The following TAFA5 variants were observed in gnomAD, a reference collection of about 807,000 sequenced individuals.
The protein encoded by TAFA5 is chemokine-like protein TAFA-5.
A neutral mutation model predicts 15.3 loss-of-function variants in TAFA5; 6 were observed. The ratio of observed to expected loss-of-function variants is 0.39; its 90% CI spans 0.21 to 0.77. TAFA5 has a LOEUF of 0.77. Ranked by LOEUF, TAFA5 falls within the 30% of genes least tolerant of loss-of-function variation. TAFA5 has a pLI of 0.41. For synonymous variants in TAFA5, 103 were observed against 80.7 expected (o/e 1.28, Z -1.48); for missense variants, 161 against 193.1 (o/e 0.83, Z 0.98).
intron 1 of TAFA5, among the ~76,000 whole-genome samples, chr22:48,515,531 G>A (rs1212674179): frequency 6.6e-6 from 1 of 152,076 alleles, no homozygotes; most frequent in Non-Finnish European, 1.5e-5. Flanking sequence ...CCCTTCTCCA[G>A]TTCCTCTCCT....
chr22:48,492,136 C>A (rs1172379419), intron 1 of TAFA5, among the ~76,000 whole-genome samples: 3 of 150,830 alleles, frequency 2.0e-5, no homozygotes, highest in Non-Finnish European at 4.4e-5. Flanking sequence ...ATCCCCCCCC[C>A]TTTTTTCAGA....
intron 2 of TAFA5, among the ~76,000 whole-genome samples, chr22:48,689,794 G>C (rs1216556927): frequency 6.6e-6 from 1 of 152,156 alleles, no homozygotes; most frequent in Admixed American, 6.5e-5. Flanking sequence ...TAACAGGTGA[G>C]GGGGGCCACA....
intron 3 of TAFA5, among the ~76,000 whole-genome samples, chr22:48,714,076 A>G (rs1050110127): frequency 1.3e-5 from 2 of 152,236 alleles, no homozygotes; most frequent in African/African-American, 4.8e-5. Flanking sequence ...GCCCTCGCCC[A>G]GGGCGGCCCT....
intron 1 of TAFA5, among the ~76,000 whole-genome samples, chr22:48,613,653 T>G (rs988771188): frequency 3.3e-5 from 5 of 152,208 alleles, no homozygotes; most frequent in African/African-American, 1.2e-4. Flanking sequence ...GGGGCAGGGT[T>G]GAGGCTCCAG....
At position 48,733,363 on chromosome 22, in the gene TAFA5, C is replaced by T. The variant is rs117809328; in HGVS notation, c.391-16476C>T. On this transcript the variant is annotated intron_variant, in intron 3 of 3. Transcript: ENST00000402357. ...AAACCCAAGCCAGCATGTGCTTCAGCCTCCAGCTCTGAGATTTTGGGACAC... is the reference window on the plus strand; with the variant it reads ...AAACCCAAGCCAGCATGTGCTTCAGTCTCCAGCTCTGAGATTTTGGGACAC... 6.8e-4 allele frequency among the ~76,000 whole-genome samples: 103 copies of T among 152,334 alleles called. 1 individual carries two copies. The East Asian group carries it at 0.018, about 26-fold the overall frequency.
At chr22:48,553,631 A>G (rs1922932498) in intron 1 of TAFA5, among the ~76,000 whole-genome samples, 1 of 152,116 alleles carries the variant, frequency 6.6e-6, no homozygotes, top group African/African-American at 2.4e-5. Context: ...CGGGGCCCAG[A>G]CAGTGTTCTG....
At chr22:48,618,519 T>C (rs1191141644) in intron 1 of TAFA5, among the ~76,000 whole-genome samples, 1 of 152,224 alleles carries the variant, frequency 6.6e-6, no homozygotes, top group African/African-American at 2.4e-5. Context: ...CGTTGTTTCA[T>C]ATTCATCATC....
At chr22:48,527,840 T>C (rs1921832234) in intron 1 of TAFA5, among the ~76,000 whole-genome samples, 1 of 152,178 alleles carries the variant, frequency 6.6e-6, no homozygotes, top group African/African-American at 2.4e-5. Context: ...GCGCCGGGTG[T>C]TTCACGGGTA....
At chr22:48,706,015 G>A (rs759337637) in intron 2 of TAFA5, among the ~76,000 whole-genome samples, 4 of 152,236 alleles carry the variant, frequency 2.6e-5, no homozygotes, top group Non-Finnish European at 4.4e-5. Flanking sequence ...CTGGAGCTTC[G>A]TGAAAGGGAC....
chr22:48,596,119 CTG>C (rs1924755955), intron 1 of TAFA5, among the ~76,000 whole-genome samples: 2 of 152,244 alleles, frequency 1.3e-5, no homozygotes, highest in Non-Finnish European at 2.9e-5. Context: ...CTCGGCTAAT[CTG>C]TAGAAATTAT....
intron 1 of TAFA5, among the ~76,000 whole-genome samples, chr22:48,645,678 C>T (rs554402958): frequency 2.6e-5 from 4 of 152,136 alleles, no homozygotes; most frequent in Admixed American, 2.6e-4. Flanking sequence ...GCAGGGTGCT[C>T]CTGTGGGAGC....
chr22:48,737,816 C>T lies in TAFA5; in HGVS notation c.391-12023C>T, dbSNP rs555995058. ...CAGGGCAAATGGGCAGCCTTGTGGC[C>T]AGGGAGGGCGGCTTCCACCTCCCAG... is the stretch of plus-strand genomic sequence containing the variant. On this transcript the variant is annotated intron_variant, in intron 3 of 3. Coordinates refer to ENST00000402357, the MANE Select transcript of TAFA5 (RefSeq NM_001082967.3). 1.1e-4 allele frequency among the ~76,000 whole-genome samples: 17 copies of T among 152,272 alleles called. No homozygotes were observed. The South Asian group carries it at 2.5e-3, about 22-fold the overall frequency.
intron 1 of TAFA5, among the ~76,000 whole-genome samples, chr22:48,517,997 A>G (rs133498): frequency 0.95 from 144,145 of 152,278 alleles, 68,340 homozygotes; most frequent in African/African-American, 0.99. Flanking sequence ...CCGGGGGCCC[A>G]GGCCCCACGT....
At chr22:48,524,268 G>A (rs1215417249) in intron 1 of TAFA5, among the ~76,000 whole-genome samples, 1 of 152,222 alleles carries the variant, frequency 6.6e-6, no homozygotes, top group Admixed American at 6.5e-5. Context: ...GTGGGGGCTG[G>A]TGGGAGGTTC....
intron 1 of TAFA5, among the ~76,000 whole-genome samples, chr22:48,599,309 C>T (rs28398153): frequency 0.04 from 6,165 of 152,252 alleles, 236 homozygotes; most frequent in African/African-American, 0.095. Flanking sequence ...GCCTTCAGTC[C>T]GCTCCGTAAC....
chr22:48,569,575 G>A (rs759956934), intron 1 of TAFA5, among the ~76,000 whole-genome samples: 5 of 152,176 alleles, frequency 3.3e-5, no homozygotes, highest in South Asian at 2.1e-4. Flanking sequence ...CAACCTCAGC[G>A]CTCCCGACCT....
chr22:48,596,525 G>C (rs1325982767), intron 1 of TAFA5, among the ~76,000 whole-genome samples: 1 of 152,178 alleles, frequency 6.6e-6, no homozygotes, highest in African/African-American at 2.4e-5. Flanking sequence ...CAGAAAAATG[G>C]AGCAGATGGC....
At chr22:48,668,224 A>G (rs112662204) in intron 2 of TAFA5, among the ~76,000 whole-genome samples, 14 of 602 alleles carry the variant, frequency 0.023, no homozygotes, top group Admixed American at 0.042. Context: ...TTCACTGGGA[A>G]CTGTAATCCC....
rs117681273 is a variant in TAFA5, at chr22:48,598,235, A to G, written c.113-48362A>G. 5.9e-5 allele frequency among the ~76,000 whole-genome samples: 9 copies of G among 152,204 alleles called. No individual in the cohort carries two copies. Among genetic ancestry groups the G allele is most frequent in the East Asian group, 3.9e-4 (2 of 5,164 alleles). ...TGCTTGGATAGGGCCCACCCACAGTATGGAAGGCCATCTGCTTTATTCAAA... is the reference window on the plus strand; with the variant it reads ...TGCTTGGATAGGGCCCACCCACAGTGTGGAAGGCCATCTGCTTTATTCAAA... On this transcript the variant is annotated intron_variant, in intron 1 of 3. Coordinates refer to ENST00000402357, the MANE Select transcript of TAFA5 (RefSeq NM_001082967.3). The surrounding 1 kb of genome is among the most constrained non-coding windows in gnomAD (Gnocchi z 4.0).
Sources: allele counts gnomAD v4.1 joint callset (sites outside exome capture counted in the v4.1 genomes callset), GRCh38; gene constraint gnomAD v4.1.1; non-coding constraint Gnocchi (gnomAD v3.1); transcripts MANE v1.5; gene names NCBI Gene and HGNC (gene_info 2026-07-23, HGNC 2026-07-21).